Variants in YJU2B observed in about 807,000 individuals in gnomAD.
YJU2B encodes the protein probable splicing factor YJU2B.
YJU2B carries 18 observed loss-of-function variants against 38.0 expected under a neutral mutation model. The observed-to-expected ratio is 0.47, with a 90% CI of 0.33 to 0.70. YJU2B has a LOEUF of 0.70. Ranked by LOEUF, YJU2B falls within the 30% of genes least tolerant of loss-of-function variation. The probability of loss-of-function intolerance (pLI) is 0.02; values close to 1 mark genes in which losing one functional copy is unlikely to be tolerated. For synonymous variants in YJU2B, 246 were observed against 225.4 expected (o/e 1.09, Z -0.82); for missense variants, 538 against 556.3 (o/e 0.97, Z 0.33).
chr19:13,751,682 C>A lies in YJU2B; in HGVS notation c.-127C>A. On this transcript the variant is annotated 5_prime_UTR_variant, in exon 2 of 10. Coordinates refer to ENST00000221554, the MANE Select transcript of YJU2B (RefSeq NM_030818.4). ...GCTGGCACCACCACACGGCCCACGACATCTTCGCAGGGAAGCCTGTGGACC... is the reference window on the plus strand; with the variant it reads ...GCTGGCACCACCACACGGCCCACGAAATCTTCGCAGGGAAGCCTGTGGACC... 2.0e-6 allele frequency: 2 copies of A among 1,000,094 alleles called. No homozygotes were observed. The highest frequency in any genetic ancestry group is 3.1e-6 in the Non-Finnish European group (2 of 637,542). The allele number at this position is 1,000,094 out of a possible 1,614,324, so 62.0% of individuals were successfully genotyped here.
At chr19:13,739,745 T>A (rs1973045027) in intron 2 of YJU2B, among the ~76,000 whole-genome samples, 1 of 152,214 alleles carries the variant, frequency 6.6e-6, no homozygotes. Context: ...AGTTAGAATT[T>A]TTTTTTTAAG....
At chr19:13,759,657 C>T (rs1973814126) in intron 8 of YJU2B, 1 of 152,488 alleles carries the variant, frequency 6.6e-6, no homozygotes, top group African/African-American at 2.4e-5. Context: ...CAGTAGTCAT[C>T]TCGCTCTGTC....
chr19:13,754,295 A>C lies in YJU2B; in HGVS notation c.10A>C (p.Arg4=). Residue 4 remains arginine (R), a synonymous_variant, in exon 3 of 10, where the codon AGG becomes CGG. Coordinates refer to ENST00000221554, the MANE Select transcript of YJU2B (RefSeq NM_030818.4). MGE[R]KGVNKYYPPD... ...TCTCTGTTCTGCTTTGCAGGGTGAA[A>C]GGAAAGGGGTCAACAAGTACTATCC... is the stretch of plus-strand genomic sequence containing the variant. 6.2e-7 allele frequency: 1 copy of C among 1,613,378 alleles called. No individual in the cohort carries two copies. The highest frequency in any genetic ancestry group is 2.2e-5 in the East Asian group (1 of 44,880).
chr19:13,753,833 C>T (rs1012070582), intron 2 of YJU2B, among the ~76,000 whole-genome samples: 3 of 152,032 alleles, frequency 2.0e-5, no homozygotes, highest in East Asian at 1.9e-4. Context: ...CCCCATGATT[C>T]GATTCAGTTA....
chr19:13,737,713 A>G (rs1181952639), intron 2 of YJU2B, among the ~76,000 whole-genome samples: 1 of 151,224 alleles, frequency 6.6e-6, no homozygotes, highest in African/African-American at 2.4e-5. Context: ...GGAACCTGGG[A>G]GGTGGAGGTT....
rs35761244 is a variant in YJU2B at position 13,762,884 on chromosome 19, G to C, written c.1007G>C (p.Cys336Ser). 8.5e-3 allele frequency: 13,720 copies of C among 1,611,084 alleles called. 1,046 individuals are homozygous for C. In the African/African-American group the frequency reaches 0.16, roughly 19 times the overall value. Residue 336 changes from cysteine (C) to serine (S), a missense_variant, in exon 10 of 10, where the codon TGT becomes TCT. Coordinates refer to ENST00000221554, the MANE Select transcript of YJU2B (RefSeq NM_030818.4). ...AQDRPMSPGDCPPETTETPKC... is the reference protein window; with the variant it reads ...AQDRPMSPGDSPPETTETPKC... ...GACCGGCCCATGTCCCCCGGAGACT[G>C]TCCTCCGGAAACAACTGAGACCCCC...
rs149301792 is a variant in YJU2B at position 13,750,572 on chromosome 19, CAG to C, written c.-201-1035_-201-1034del. Among the ~76,000 whole-genome samples, 885 of 152,160 alleles carry C rather than the reference CAG, an allele frequency of 5.8e-3. 23 individuals are homozygous for C. Among genetic ancestry groups the C allele is most frequent in the Admixed American group, 0.042 (641 of 15,266 alleles). ...ATGATATGTAGGTCAAGACCTGTGA[CAG>C]GGGGCTGGGTGCAGTGGCTTGTGCC... On this transcript the variant is annotated intron_variant, in intron 1 of 9. Transcript: ENST00000221554.
At position 13,759,240 on chromosome 19, in the gene YJU2B, G is replaced by A. The variant is rs564118866; in HGVS notation, c.541G>A (p.Ala181Thr). 160 of 1,612,370 alleles carry A rather than the reference G, an allele frequency of 9.9e-5. 1 individual carries two copies. The South Asian group carries it at 1.6e-3, about 16-fold the overall frequency. ...CCAGAGCGCCTGGAAGGACGACTTC[G>A]CCCTCAACAGCATGCTGCGGAGAAG... ...EAQSAWKDDF[A>T]LNSMLRRRFR... The change falls in exon 8 of 10, where the codon GCC becomes ACC. Residue 181 changes from alanine (A) to threonine (T), a missense_variant. Ala to Thr is a moderately conservative substitution (Grantham distance 58). Coordinates refer to ENST00000221554, the MANE Select transcript of YJU2B (RefSeq NM_030818.4).
At position 13,732,995 on chromosome 19, in the gene YJU2B, T is replaced by C. The variant is rs181339485; in HGVS notation, c.-202+710T>C. Among the ~76,000 whole-genome samples the C allele has an allele frequency of 5.0e-3, 749 of 151,164 alleles. 5 individuals carry two copies. The highest frequency in any genetic ancestry group is 0.016 in the African/African-American group (676 of 41,112). On this transcript the variant is annotated intron_variant, in intron 2 of 10. Coordinates refer to the YJU2B transcript ENST00000586600. ...CCCAGGCTGGAGTGCAGTGGCGCGA[T>C]CTCGGCTCACTGCAAGCTCTGCCTC... is the stretch of plus-strand genomic sequence containing the variant.
chr19:13,742,580 T>G (rs1255043320), intron 2 of YJU2B, among the ~76,000 whole-genome samples: 1 of 152,166 alleles, frequency 6.6e-6, no homozygotes, highest in Non-Finnish European at 1.5e-5. Context: ...CCCTATGCCT[T>G]CCTTTCCCTG....
chr19:13,744,193 A>T (rs1184396047), upstream of YJU2B, among the ~76,000 whole-genome samples: 1 of 152,202 alleles, frequency 6.6e-6, no homozygotes, highest in Non-Finnish European at 1.5e-5. Context: ...TCTCAAAAAA[A>T]AAAAGAAAAG....
intron 2 of YJU2B, among the ~76,000 whole-genome samples, chr19:13,737,488 C>T (rs1027046611): frequency 4.0e-5 from 6 of 150,708 alleles, no homozygotes; most frequent in Non-Finnish European, 8.8e-5. Flanking sequence ...CTGCAGAGTA[C>T]ATAGAAAAGC....
At position 13,762,947 on chromosome 19, in the gene YJU2B, A is replaced by T; in HGVS notation, c.1070A>T (p.Gln357Leu). The change falls in exon 10 of 10, where the codon CAG (glutamine) becomes CTG (leucine). Residue 357 changes from glutamine (Q) to leucine (L), a missense_variant. Coordinates refer to ENST00000221554, the MANE Select transcript of YJU2B (RefSeq NM_030818.4). ...SSPRGQEGSRQDKPLSPAGSS... is the reference protein window; with the variant it reads ...SSPRGQEGSRLDKPLSPAGSS... The stretch of plus-strand genomic sequence containing the variant: ...CCGAGGGGGCAGGAAGGGAGCCGTC[A>T]GGACAAGCCCCTGTCGCCAGCAGGC... 2 of 1,611,954 alleles carry T rather than the reference A, an allele frequency of 1.2e-6. No homozygotes were observed. The highest frequency in any genetic ancestry group is 1.1e-5 in the South Asian group (1 of 91,014).
upstream of YJU2B, among the ~76,000 whole-genome samples, chr19:13,745,734 TATATATATAG>T (rs201096532): frequency 4.8e-4 from 55 of 113,792 alleles, 1 homozygote; most frequent in Non-Finnish European, 7.2e-4. Flanking sequence ...TATCTATATA[TATATATATAG>T]ATATATATAT....
chr19:13,748,174 G>A (rs1207851687), intron 1 of YJU2B, among the ~76,000 whole-genome samples: 1 of 152,188 alleles, frequency 6.6e-6, no homozygotes, highest in Non-Finnish European at 1.5e-5. Context: ...TCCCATCCTA[G>A]CCCGGATCCA....
chr19:13,738,075 G>T (rs1242493566), intron 2 of YJU2B, among the ~76,000 whole-genome samples: 2 of 152,124 alleles, frequency 1.3e-5, no homozygotes, highest in African/African-American at 4.8e-5. Flanking sequence ...AGTGATTCTT[G>T]TGATTCAAAT....
rs945976002 is a variant in YJU2B, at chr19:13,762,688, G to C, written c.811G>C (p.Val271Leu). ...CGCCTCCAGCAGCAAGGTCAGCGGC[G>C]TCCTGAAGAAGCTGGCACAGAGCCG... ...GSASSSKVSG[V>L]LKKLAQSRRT... The change falls in exon 10 of 10, where the codon GTC (valine) becomes CTC (leucine). Residue 271 changes from valine (V) to leucine (L), a missense_variant. This residue lies in a region of YJU2B where 488 missense variants were observed against 469.5 expected (regional missense o/e 1.04). Coordinates refer to ENST00000221554, the MANE Select transcript of YJU2B (RefSeq NM_030818.4). 1 of 1,602,558 alleles carries C rather than the reference G, an allele frequency of 6.2e-7. No individual in the cohort carries two copies. The highest frequency in any genetic ancestry group is 8.5e-7 in the Non-Finnish European group (1 of 1,178,666).
chr19:13,753,574 CAAAAAAAAAAA>C (rs34397712), intron 2 of YJU2B, among the ~76,000 whole-genome samples: 2 of 71,880 alleles, frequency 2.8e-5, no homozygotes, highest in South Asian at 4.3e-4. Context: ...AACTCTGTCT[CAAAAAAAAAAA>C]AAAAAAAAAA....
intron 1 of YJU2B, 66 bp downstream of exon 1, chr19:13,748,020 G>C (rs1007408858): frequency 6.6e-5 from 10 of 152,320 alleles, no homozygotes; most frequent in Non-Finnish European, 1.2e-4. Flanking sequence ...CCCTGGCCTC[G>C]GAGCTGCCCG....
Sources: allele counts gnomAD v4.1 joint callset (sites outside exome capture counted in the v4.1 genomes callset), GRCh38; gene constraint gnomAD v4.1.1; regional missense constraint gnomAD v4.1.1; transcripts MANE v1.5; gene names NCBI Gene and HGNC (gene_info 2026-07-23, HGNC 2026-07-21).